The following TGM3 variants were observed in gnomAD, a reference collection of about 807,000 sequenced individuals.
TGM3 encodes transglutaminase 3.
Under a neutral mutation model 73.8 loss-of-function variants are expected in TGM3, and 52 were observed. The ratio of observed to expected loss-of-function variants is 0.70; its 90% CI spans 0.56 to 0.89. The LOEUF is 0.89. Ranked by LOEUF, TGM3 falls within the 40% of genes least tolerant of loss-of-function variation. The pLI is 0.00. For synonymous variants in TGM3, 372 were observed against 354.9 expected, an observed-to-expected ratio of 1.05 and a Z score of -0.54; for missense variants, 928 against 909.9, an observed-to-expected ratio of 1.02 and a Z score of -0.26.
At chr20:2,305,562 G>A (rs192732213) in intron 1 of TGM3, among the ~76,000 whole-genome samples, 20 of 152,304 alleles carry the variant, frequency 1.3e-4, no homozygotes, top group Non-Finnish European at 2.5e-4. Flanking sequence ...TGTGGACTGC[G>A]CATAGCAGTT....
At chr20:2,299,285 G>T (rs1210913246) in intron 1 of TGM3, among the ~76,000 whole-genome samples, 3 of 152,088 alleles carry the variant, frequency 2.0e-5, no homozygotes, top group Non-Finnish European at 4.4e-5. Flanking sequence ...CCTATGAGAG[G>T]AATTACATTT....
intron 1 of TGM3, among the ~76,000 whole-genome samples, chr20:2,298,656 T>C (rs1041878432): frequency 6.6e-6 from 1 of 152,202 alleles, no homozygotes; most frequent in African/African-American, 2.4e-5. Flanking sequence ...CAAACCGTTC[T>C]CCTTGGAGCT....
chr20:2,340,022 G>A (rs2084372162), intron 12 of TGM3, 35 bp downstream of exon 12: 11 of 1,524,414 alleles, frequency 7.2e-6, no homozygotes, highest in Non-Finnish European at 9.8e-6. Flanking sequence ...GTGCAGGAGG[G>A]CGGGAGGGGG....
intron 1 of TGM3, among the ~76,000 whole-genome samples, chr20:2,305,222 T>A (rs528972598): frequency 8.0e-6 from 1 of 125,552 alleles, no homozygotes; most frequent in Non-Finnish European, 1.7e-5. Context: ...ACGTGGGTAG[T>A]GGGCATAAGG....
intron 12 of TGM3, 111 bp downstream of exon 12, chr20:2,340,098 T>A (rs2084373276): frequency 7.4e-7 from 1 of 1,347,148 alleles, no homozygotes; most frequent in Admixed American, 2.1e-5. Flanking sequence ...GGTTCTTTAC[T>A]CTTTTGGGGG....
chr20:2,322,815 C>T (rs575379697), intron 7 of TGM3, among the ~76,000 whole-genome samples: 1 of 152,224 alleles, frequency 6.6e-6, no homozygotes, highest in East Asian at 1.9e-4. Flanking sequence ...CTATGATCAT[C>T]CAACTTACAT....
In TGM3 at chr20:2,331,237, G is replaced by T. The variant is rs140747989; in HGVS notation, c.1334-765G>T. Among the ~76,000 whole-genome samples, 17 of 152,016 alleles carry T rather than the reference G, an allele frequency of 1.1e-4. No individual in the cohort carries two copies. In the East Asian group the frequency reaches 3.3e-3, roughly 29 times the overall value. On this transcript the variant is annotated intron_variant, in intron 9 of 12. Coordinates refer to ENST00000381458, the MANE Select transcript of TGM3 (RefSeq NM_003245.4). ...TTTGTGAACTGCTCAGTCAGCCCTG[G>T]CTCAGAGGCTTGCAGTCGGTTACTC... is the stretch of plus-strand genomic sequence containing the variant.
intron 7 of TGM3, among the ~76,000 whole-genome samples, chr20:2,323,505 G>A (rs531298066): frequency 1.1e-3 from 173 of 152,274 alleles, no homozygotes; most frequent in Middle Eastern, 3.4e-3. Flanking sequence ...CAATGCCTTG[G>A]TGGACACCTT....
rs1246618252 is a variant in TGM3 at position 2,317,337 on chromosome 20, C to T, written c.848-13C>T. The T allele has an allele frequency of 6.2e-7, 1 of 1,614,210 alleles. No homozygotes were observed. The highest frequency in any genetic ancestry group is 8.5e-7 in the Non-Finnish European group (1 of 1,180,028). The stretch of plus-strand genomic sequence containing the variant: ...TCCACCACCTGAGTCCTCACGCCCA[C>T]CCTGACTTGCAGCGCTGCGGTCTTT... On this transcript the variant is annotated splice_polypyrimidine_tract_variant and intron_variant, in intron 6 of 12. Coordinates refer to ENST00000381458, the MANE Select transcript of TGM3 (RefSeq NM_003245.4).
Position 2,335,117 on chromosome 20 carries a change from G to A in TGM3, c.1644G>A (p.Glu548=), listed in dbSNP as rs1568633920. The A allele has an allele frequency of 2.5e-6, 4 of 1,614,206 alleles. No individual in the cohort carries two copies. The highest frequency in any genetic ancestry group is 1.6e-4 in the Middle Eastern group (1 of 6,062). The stretch of plus-strand genomic sequence containing the variant: ...GGATCCCCTGGCTTCTCCTTCCAGA[G>A]GCAGAACATCCCATAAAGATCTCGT... ...SATMSLDPEE[E]AEHPIKISYA... The change falls in exon 11 of 13, where the codon GAG becomes GAA. Residue 548 remains glutamate, a splice_region_variant and synonymous_variant. Transcript: ENST00000381458.
chr20:2,310,949 G>T, intron 3 of TGM3, 62 bp from the exon 4 acceptor site: 1 of 1,469,094 alleles, frequency 6.8e-7, no homozygotes, highest in South Asian at 1.1e-5. Context: ...AGGAGAGGAG[G>T]AACGATCCCT....
At chr20:2,320,404 G>T (rs1478616362) in intron 7 of TGM3, among the ~76,000 whole-genome samples, 2 of 152,160 alleles carry the variant, frequency 1.3e-5, no homozygotes, top group Non-Finnish European at 2.9e-5. Context: ...ATTTTTCATG[G>T]ATGAGAAAAC....
chr20:2,335,460 C>T (rs2084344779), intron 11 of TGM3, among the ~76,000 whole-genome samples, 187 bp downstream of exon 11: 1 of 152,244 alleles, frequency 6.6e-6, no homozygotes, highest in Admixed American at 6.5e-5. Context: ...AGCTCCCACT[C>T]AGGCCCGTGT....
At chr20:2,297,327 C>G (rs910187868) in intron 1 of TGM3, among the ~76,000 whole-genome samples, 1 of 152,238 alleles carries the variant, frequency 6.6e-6, no homozygotes, top group Non-Finnish European at 1.5e-5. Flanking sequence ...CCTGGCTTCT[C>G]ATTTGAGCTT....
intron 4 of TGM3, among the ~76,000 whole-genome samples, chr20:2,312,480 G>A (rs1409290560): frequency 6.6e-6 from 1 of 151,506 alleles, no homozygotes; most frequent in Non-Finnish European, 1.5e-5. Flanking sequence ...TTATACAGAT[G>A]GAGAAATCGA....
intron 8 of TGM3, among the ~76,000 whole-genome samples, chr20:2,327,169 C>A (rs1398600990): frequency 6.6e-6 from 1 of 152,112 alleles, no homozygotes; most frequent in African/African-American, 2.4e-5. Context: ...TATCAAGGCT[C>A]ATTAGATATA....
At chr20:2,306,738 A>G (rs528288209) in intron 1 of TGM3, among the ~76,000 whole-genome samples, 1 of 152,112 alleles carries the variant, frequency 6.6e-6, no homozygotes, top group Non-Finnish European at 1.5e-5. Context: ...TGGCCTCCCA[A>G]AATGCTGGGA....
Position 2,339,970 on chromosome 20 carries a change from G to A in TGM3, c.1917G>A (p.Leu639=). 1.9e-6 allele frequency: 3 copies of A among 1,584,366 alleles called. No homozygotes were observed. The highest frequency in any genetic ancestry group is 2.6e-6 in the Non-Finnish European group (3 of 1,162,582). ...TGGTGGAGGGAAGCGGCCTGCTGTT[G>A]GGTAACCTGAAGATCGAGTGAGTCC... ...VLMVEGSGLL[L]GNLKIDVPTL... is the part of the protein sequence containing the mutation. The change falls in exon 12 of 13, where the codon TTG becomes TTA. Residue 639 remains leucine, a synonymous_variant. Transcript: ENST00000381458.
chr20:2,310,284 G>A lies in TGM3; in HGVS notation c.288G>A (p.Leu96=), dbSNP rs753942301. ...TTCAGGCCAGCAATGGCAATACTCT[G>A]ACTATCAGCATCTCCAGTCCTGCCA... ...AVLQASNGNT[L]TISISSPASA... Residue 96 remains leucine (L), a synonymous_variant, in exon 3 of 13, where the codon CTG becomes CTA. Transcript: ENST00000381458. The A allele has an allele frequency of 5.0e-6, 8 of 1,614,212 alleles. No homozygotes were observed. The highest frequency in any genetic ancestry group is 6.8e-6 in the Non-Finnish European group (8 of 1,180,022).
Sources: gnomAD v4.1 joint callset for allele counts (sites outside exome capture counted in the v4.1 genomes callset) on GRCh38, gnomAD v4.1.1 for gene constraint, MANE v1.5 for transcripts, NCBI Gene and HGNC (gene_info 2026-07-23, HGNC 2026-07-21) for gene names.